The following ZWILCH variants were observed in gnomAD, a reference collection of about 807,000 sequenced individuals.
The protein encoded by ZWILCH is protein zwilch homolog.
A neutral mutation model predicts 79.9 loss-of-function variants in ZWILCH; 74 were observed. The observed-to-expected ratio is 0.93, with a 90% confidence interval of 0.77 to 1.12. The LOEUF (loss-of-function observed/expected upper bound fraction) is 1.12, where lower values mean the gene tolerates loss of function less well. ZWILCH is among the 50% of genes most tolerant of loss of function. ZWILCH has a pLI of 0.00. For synonymous variants in ZWILCH, 241 were observed against 228.2 expected, an observed-to-expected ratio of 1.06 and a Z score of -0.51; for missense variants, 694 against 687.5, an observed-to-expected ratio of 1.01 and a Z score of -0.11.
At chr15:66,537,580 A>G (rs1595920630) in intron 16 of ZWILCH, among the ~76,000 whole-genome samples, 2 of 151,880 alleles carry the variant, frequency 1.3e-5, no homozygotes, top group East Asian at 3.9e-4. Flanking sequence ...AATCCCAGCT[A>G]CTCGGGAGGC....
chr15:66,548,388 T>C lies in ZWILCH; in HGVS notation c.*64T>C, dbSNP rs994350998. On this transcript the variant is annotated 3_prime_UTR_variant, in exon 19 of 19. Coordinates refer to ENST00000307897, the MANE Select transcript of ZWILCH (RefSeq NM_017975.5). The stretch of plus-strand genomic sequence containing the variant: ...AGAGAAAGAGAAAAAAAGGTAATTA[T>C]TGTAGAACCTGAAAACAGCAATGTA... 1.7e-5 allele frequency: 9 copies of C among 527,106 alleles called. No individual in the cohort carries two copies. Among genetic ancestry groups the C allele is most frequent in the Non-Finnish European group, 3.0e-5 (9 of 295,954 alleles). 32.7% of individuals were successfully genotyped at this position (527,106 alleles called of 1,614,324 possible).
At chr15:66,544,683 T>A (rs889903928) in intron 17 of ZWILCH, among the ~76,000 whole-genome samples, 2 of 145,240 alleles carry the variant, frequency 1.4e-5, no homozygotes, top group Non-Finnish European at 3.1e-5. Context: ...GTGAAACATT[T>A]GTGAAAAAAA....
intron 7 of ZWILCH, among the ~76,000 whole-genome samples, chr15:66,522,836 T>C (rs1420106417): frequency 6.6e-6 from 1 of 152,150 alleles, no homozygotes; most frequent in Non-Finnish European, 1.5e-5. Context: ...AATTATATTC[T>C]TTTTTTGAGA....
Position 66,537,249 on chromosome 15 carries a change from G to T in ZWILCH, c.1560G>T (p.Lys520Asn), listed in dbSNP as rs1249677443. The change falls in exon 16 of 19, where the codon AAG becomes AAT. Residue 520 changes from lysine (K) to asparagine (N), a missense_variant. Coordinates refer to ENST00000307897, the MANE Select transcript of ZWILCH (RefSeq NM_017975.5). ...FQLPVRPTAVKNLYQSEKPQK... is the reference protein window; with the variant it reads ...FQLPVRPTAVNNLYQSEKPQK... ...TGCCAGTCAGACCAACTGCTGTAAA[G>T]AACTTATATCAAAGGTAAGCAATTT... The T allele has an allele frequency of 1.2e-6, 2 of 1,612,706 alleles. No individual in the cohort carries two copies. The highest frequency in any genetic ancestry group is 1.3e-5 in the African/African-American group (1 of 74,990).
Position 66,548,431 on chromosome 15 carries a change from G to A in ZWILCH, c.*107G>A, listed in dbSNP as rs969791910. ...GCAATGTATGGAAACCCTCAAAGCA[G>A]AAAAGGGAGGAAGATCCTGAAGATT... is the stretch of plus-strand genomic sequence containing the variant. On this transcript the variant is annotated 3_prime_UTR_variant, in exon 19 of 19. Transcript: ENST00000307897. 2.3e-6 allele frequency: 2 copies of A among 888,128 alleles called. No individual in the cohort carries two copies. The highest frequency in any genetic ancestry group is 3.6e-6 in the Non-Finnish European group (2 of 555,494). 55.0% of individuals were successfully genotyped at this position (888,128 alleles called of 1,614,324 possible).
At chr15:66,524,350 C>G (rs184256315) in intron 8 of ZWILCH, 1 of 152,210 alleles carries the variant, frequency 6.6e-6, no homozygotes, top group East Asian at 1.9e-4. Context: ...GAAGTGGTAT[C>G]TCTTTGTAGT....
chr15:66,544,724 T>TGTGTGTG (rs1555426548), intron 17 of ZWILCH, among the ~76,000 whole-genome samples: 3,119 of 128,476 alleles, frequency 0.024, 53 homozygotes, highest in African/African-American at 0.037. Flanking sequence ...TTTTTGGTTT[T>TGTGTGTG]TGTGTGTGTG....
At chr15:66,518,853 A>G (rs1279187020) in intron 4 of ZWILCH, 26 bp from the exon 5 acceptor site, 1 of 1,593,962 alleles carries the variant, frequency 6.3e-7, no homozygotes, top group Non-Finnish European at 8.6e-7. Flanking sequence ...CTCTATCTAT[A>G]ATTTGTCCTT....
At chr15:66,543,615 C>T (rs1409389838) in intron 17 of ZWILCH, among the ~76,000 whole-genome samples, 4 of 151,852 alleles carry the variant, frequency 2.6e-5, no homozygotes, top group Non-Finnish European at 4.4e-5. Flanking sequence ...AAATTAGCTG[C>T]GTGTGGTGGC....
At chr15:66,542,307 C>G (rs942832167) in intron 17 of ZWILCH, among the ~76,000 whole-genome samples, 2 of 151,998 alleles carry the variant, frequency 1.3e-5, no homozygotes, top group Non-Finnish European at 2.9e-5. Flanking sequence ...AAAAAAAGGC[C>G]GGGCGCGGGG....
At chr15:66,533,713 T>TACACACACACACACGCGC (rs1289725691) in intron 14 of ZWILCH, among the ~76,000 whole-genome samples, 1 of 151,326 alleles carries the variant, frequency 6.6e-6, no homozygotes, top group Admixed American at 6.6e-5. Context: ...TAGCAAAAAC[T>TACACACACACACACGCGC]ACACACACAC....
chr15:66,549,755 G>A lies in ZWILCH; in HGVS notation c.*1431G>A, dbSNP rs1895527243. The A allele has an allele frequency of 1.3e-5, 3 of 225,594 alleles. No individual in the cohort carries two copies. The Admixed American group carries it at 1.7e-4, about 13-fold the overall frequency. The allele number at this position is 225,594 out of a possible 1,614,324, so 14.0% of individuals were successfully genotyped here. On this transcript the variant is annotated 3_prime_UTR_variant, in exon 19 of 19. Transcript: ENST00000307897. Reference sequence around the variant, plus strand: ...GTTGGCTTTTCCTCTCCTTGCCCAAGCCCACTATAACAAAAATAGTAGGTA... The same window carrying A: ...GTTGGCTTTTCCTCTCCTTGCCCAAACCCACTATAACAAAAATAGTAGGTA...
intron 7 of ZWILCH, 140 bp downstream of exon 7, chr15:66,521,345 CA>C (rs1434755404): frequency 6.5e-6 from 6 of 926,194 alleles, no homozygotes; most frequent in Non-Finnish European, 9.8e-6. Flanking sequence ...CCCACCTTGC[CA>C]CTAACGTCTC....
chr15:66,508,118 G>C (rs944038104), intron 1 of ZWILCH, among the ~76,000 whole-genome samples: 3 of 152,112 alleles, frequency 2.0e-5, no homozygotes, highest in Non-Finnish European at 1.5e-5. Context: ...AGATATAAAT[G>C]GTTTCTTGAA....
intron 1 of ZWILCH, among the ~76,000 whole-genome samples, chr15:66,507,438 A>G (rs541618346): frequency 1.3e-5 from 2 of 152,174 alleles, no homozygotes; most frequent in South Asian, 4.2e-4. Context: ...ATTCACAGCT[A>G]TTTTCCTGGA....
intron 17 of ZWILCH, among the ~76,000 whole-genome samples, chr15:66,543,923 T>G (rs550069259): frequency 3.7e-4 from 56 of 152,326 alleles, no homozygotes; most frequent in Non-Finnish European, 6.9e-4. Flanking sequence ...TATTGTTTTT[T>G]AAAGAAGAAA....
intron 16 of ZWILCH, among the ~76,000 whole-genome samples, chr15:66,538,420 T>C (rs1895081764): frequency 6.6e-6 from 1 of 152,102 alleles, no homozygotes. Context: ...TTCGCTCTTA[T>C]TTCCCAGGCT....
Position 66,548,613 on chromosome 15 carries a change from G to A in ZWILCH, c.*289G>A. On this transcript the variant is annotated 3_prime_UTR_variant, in exon 19 of 19. Transcript: ENST00000307897. ...TGTGACTTAGCAAGGGCTCTGAAAT[G>A]ACAAAGAGAACGAGCACCACAAATG... 1 of 1,457,390 alleles carries A rather than the reference G, an allele frequency of 6.9e-7. No individual in the cohort carries two copies. The highest frequency in any genetic ancestry group is 1.4e-5 in the African/African-American group (1 of 72,024). The allele number at this position is 1,457,390 out of a possible 1,614,324, so 90.3% of individuals were successfully genotyped here. A position where few individuals can be genotyped will look rare whatever the true frequency, so the allele number is the denominator to read the frequency against.
intron 4 of ZWILCH, among the ~76,000 whole-genome samples, chr15:66,518,382 G>A (rs1237922248): frequency 1.4e-5 from 2 of 144,392 alleles, no homozygotes; most frequent in South Asian, 2.4e-4. Context: ...TCTGCCTCCC[G>A]GGTTCACACC....
Sources: gnomAD v4.1 joint callset for allele counts (sites outside exome capture counted in the v4.1 genomes callset) on GRCh38, gnomAD v4.1.1 for gene constraint, MANE v1.5 for transcripts, NCBI Gene and HGNC (gene_info 2026-07-23, HGNC 2026-07-21) for gene names.